BNIPL: variants seen among roughly 807,000 people sequenced by gnomAD.
The protein encoded by BNIPL is bcl-2/adenovirus E1B 19 kDa-interacting protein 2-like protein.
Under a neutral mutation model 47.0 loss-of-function variants are expected in BNIPL, and 33 were observed. The observed-to-expected ratio is 0.70, with a 90% CI of 0.53 to 0.94. The LOEUF (loss-of-function observed/expected upper bound fraction) is 0.94. Among genes scored for constraint, BNIPL ranks in the 40% least tolerant of loss-of-function variants. The probability of loss-of-function intolerance (pLI) is 0.00; values close to 1 mark genes in which losing one functional copy is unlikely to be tolerated. For synonymous variants in BNIPL, 145 were observed against 162.7 expected (o/e 0.89, Z 0.83); for missense variants, 404 against 445.2 (o/e 0.91, Z 0.83).
At chr1:151,037,960 A>G (rs1326842977) in intron 2 of BNIPL, among the ~76,000 whole-genome samples, 1 of 138,962 alleles carries the variant, frequency 7.2e-6, no homozygotes, top group African/African-American at 2.9e-5. Flanking sequence ...AGATTGTGCC[A>G]TTACACCCGA....
rs1034209026 is a variant in BNIPL, at chr1:151,045,704, A to AATG, written c.852-91_852-89dup. The AATG allele has an allele frequency of 6.3e-6, 10 of 1,590,228 alleles. No individual in the cohort carries two copies. The African/African-American group carries it at 1.1e-4, about 17-fold the overall frequency. ...GATAAATCTAGAAACTAGAGAAGTG[A>AATG]ATGAAGGAAGTTACAGTACAGAAAA... On this transcript the variant is annotated intron_variant, in intron 7 of 9. Coordinates refer to ENST00000368931, the MANE Select transcript of BNIPL (RefSeq NM_138278.4).
chr1:151,042,706 T>C (rs1485998827), intron 4 of BNIPL, among the ~76,000 whole-genome samples: 1 of 151,616 alleles, frequency 6.6e-6, no homozygotes, highest in East Asian at 1.9e-4. Context: ...TCCAGCTACA[T>C]GGGAGCCTGA....
At chr1:151,044,903 T>A in intron 7 of BNIPL, 1 of 1,290,290 alleles carries the variant, frequency 7.8e-7, no homozygotes, top group Non-Finnish European at 1.0e-6. Context: ...ATCTTGGTCA[T>A]GGAGCGATGT....
chr1:151,044,903 T>C (rs587721836), intron 7 of BNIPL: 39 of 1,290,290 alleles, frequency 3.0e-5, no homozygotes, highest in Non-Finnish European at 3.2e-5. Flanking sequence ...ATCTTGGTCA[T>C]GGAGCGATGT....
intron 7 of BNIPL, chr1:151,045,007 G>A (rs989030526): frequency 4.1e-6 from 5 of 1,233,638 alleles, no homozygotes; most frequent in African/African-American, 1.6e-5. Flanking sequence ...GCTCACGTCT[G>A]TAATCCCAGC....
intron 4 of BNIPL, 64 bp from the exon 5 acceptor site, chr1:151,042,892 A>G: frequency 7.8e-7 from 1 of 1,274,226 alleles, no homozygotes; most frequent in Non-Finnish European, 1.1e-6. Flanking sequence ...GAATCTGAGG[A>G]AGTTACAAAA....
At chr1:151,039,143 A>G (rs1262839192) in intron 4 of BNIPL, 117 bp downstream of exon 4, 1 of 1,327,002 alleles carries the variant, frequency 7.5e-7, no homozygotes, top group South Asian at 2.7e-5. Flanking sequence ...GGCTACGGCC[A>G]GCAAAATTAG....
intron 4 of BNIPL, 35 bp from the exon 5 acceptor site, chr1:151,042,921 T>C (rs1390042786): frequency 6.9e-7 from 1 of 1,451,360 alleles, no homozygotes. Context: ...GTAGGAAATC[T>C]GCCTTGTTGA....
At chr1:151,039,452 T>G (rs1028201113) in intron 4 of BNIPL, among the ~76,000 whole-genome samples, 5 of 152,142 alleles carry the variant, frequency 3.3e-5, no homozygotes, top group Non-Finnish European at 5.9e-5. Flanking sequence ...AGGAAAGGCT[T>G]CATGAAGGAG....
intron 1 of BNIPL, 43 bp from the exon 2 acceptor site, chr1:151,037,524 C>G: frequency 6.4e-7 from 1 of 1,559,574 alleles, no homozygotes; most frequent in Non-Finnish European, 8.7e-7. Flanking sequence ...TTCTTACCTA[C>G]TATTCAGTTC....
At chr1:151,045,182 C>T in intron 7 of BNIPL, 1 of 165,146 alleles carries the variant, frequency 6.1e-6, no homozygotes, top group South Asian at 1.2e-4. Flanking sequence ...GCAGGAGAAT[C>T]ACTTGAACCC....
intron 9 of BNIPL, among the ~76,000 whole-genome samples, chr1:151,046,375 A>AAC (rs1553256800): frequency 5.3e-5 from 8 of 151,022 alleles, no homozygotes; most frequent in Non-Finnish European, 8.8e-5. Context: ...AAAAAAAAAA[A>AAC]CCTATACATA....
At chr1:151,037,870 C>T (rs984302245) in intron 2 of BNIPL, among the ~76,000 whole-genome samples, 2 of 151,744 alleles carry the variant, frequency 1.3e-5, no homozygotes, top group African/African-American at 2.4e-5. Context: ...TGTGGTGGCA[C>T]ATGCCTGTAA....
chr1:151,046,059 C>T lies in BNIPL; in HGVS notation c.939-8C>T, dbSNP rs1441125602. ...ACAAAACACAGTTGATTTATTCTCT[C>T]TTTTCAGTTCCAAATTCACACGAAA... On this transcript the variant is annotated splice_region_variant and splice_polypyrimidine_tract_variant and intron_variant, in intron 8 of 9. Coordinates refer to ENST00000368931, the MANE Select transcript of BNIPL (RefSeq NM_138278.4). The T allele has an allele frequency of 3.7e-6, 6 of 1,614,146 alleles. No individual in the cohort carries two copies. The highest frequency in any genetic ancestry group is 4.2e-6 in the Non-Finnish European group (5 of 1,180,034).
intron 1 of BNIPL, chr1:151,037,247 T>G: frequency 1.2e-6 from 1 of 854,594 alleles, no homozygotes; most frequent in Non-Finnish European, 1.5e-6. Flanking sequence ...TGCTCAATGA[T>G]AGCTGGGTGG....
Position 151,042,944 on chromosome 1 carries a change from C to T in BNIPL, c.434-12C>T. The T allele has an allele frequency of 6.6e-7, 1 of 1,520,824 alleles. No individual in the cohort carries two copies. The highest frequency in any genetic ancestry group is 8.8e-7 in the Non-Finnish European group (1 of 1,141,384). 94.2% of individuals were successfully genotyped at this position (1,520,824 alleles called of 1,614,324 possible). A position where few individuals can be genotyped will look rare whatever the true frequency, so the allele number is the denominator to read the frequency against. ...TCTGCCTTGTTGATCCTTCCCCATCCCTCTCTTTTAGATGAACTACCCCGG... is the reference window on the plus strand; with the variant it reads ...TCTGCCTTGTTGATCCTTCCCCATCTCTCTCTTTTAGATGAACTACCCCGG... On this transcript the variant is annotated splice_polypyrimidine_tract_variant and intron_variant, in intron 4 of 9. Transcript: ENST00000368931.
At chr1:151,038,460 C>T in intron 2 of BNIPL, 44 bp from the exon 3 acceptor site, 1 of 1,454,870 alleles carries the variant, frequency 6.9e-7, no homozygotes, top group Non-Finnish European at 9.7e-7. Flanking sequence ...GGCTTGATGC[C>T]TTTGGTGTAT....
At chr1:151,037,178 G>A (rs866081541) in intron 1 of BNIPL, 6 of 303,870 alleles carry the variant, frequency 2.0e-5, no homozygotes, top group Non-Finnish European at 2.8e-5. Context: ...TTTTCCCTTA[G>A]CCACTCCCCA....
At chr1:151,046,600 C>A in intron 9 of BNIPL, 51 bp from the exon 10 acceptor site, 2 of 1,511,540 alleles carry the variant, frequency 1.3e-6, no homozygotes, top group Non-Finnish European at 9.1e-7. Flanking sequence ...AAAATAAAAC[C>A]CAAGTCCTAC....
Sources: gnomAD v4.1 joint callset for allele counts (sites outside exome capture counted in the v4.1 genomes callset) on GRCh38, gnomAD v4.1.1 for gene constraint, MANE v1.5 for transcripts, NCBI Gene and HGNC (gene_info 2026-07-23, HGNC 2026-07-21) for gene names.